IQCM: variants seen among roughly 807,000 people sequenced by gnomAD.
IQCM encodes IQ motif containing M, also known as IQ domain-containing protein M.
IQCM carries 45 observed loss-of-function variants against 57.6 expected under a neutral mutation model. The ratio of observed to expected loss-of-function variants is 0.78; its 90% CI spans 0.62 to 1.00. The LOEUF (loss-of-function observed/expected upper bound fraction) is 1.00, where lower values mean the gene tolerates loss of function less well. Ranked by LOEUF, IQCM falls within the 50% of genes least tolerant of loss-of-function variation. The pLI is 0.00. For synonymous variants in IQCM, 148 were observed against 158.9 expected (o/e 0.93, Z 0.51); for missense variants, 468 against 511.6 (o/e 0.91, Z 0.82).
chr4:149,470,766 G>C (rs1385284802), intron 12 of IQCM, among the ~76,000 whole-genome samples: 1 of 152,076 alleles, frequency 6.6e-6, no homozygotes, highest in Admixed American at 6.6e-5. Flanking sequence ...ATAACAAACT[G>C]TCTCTCAGAC....
intron 9 of IQCM, among the ~76,000 whole-genome samples, chr4:149,582,827 T>A (rs905368626): frequency 3.3e-5 from 5 of 151,538 alleles, no homozygotes; most frequent in Non-Finnish European, 7.4e-5. Flanking sequence ...CATTCATAGG[T>A]AACAAAATTT....
chr4:149,377,307 A>G (rs1394801640), intron 13 of IQCM, among the ~76,000 whole-genome samples: 1 of 152,198 alleles, frequency 6.6e-6, no homozygotes, highest in Non-Finnish European at 1.5e-5. Context: ...AGCAATTACT[A>G]GCTTACGATA....
At chr4:149,688,023 C>T (rs143972090) in intron 5 of IQCM, among the ~76,000 whole-genome samples, 2,608 of 152,044 alleles carry the variant, frequency 0.017, 36 homozygotes, top group Admixed American at 0.042. Flanking sequence ...GAAAGCATTC[C>T]TTCTGAGAAC....
In IQCM at chr4:149,351,882, C is replaced by A; in HGVS notation, c.*69G>T. 1 of 397,710 alleles carries A rather than the reference C, an allele frequency of 2.5e-6. No individual in the cohort carries two copies. Among genetic ancestry groups the A allele is most frequent in the Admixed American group, 4.4e-5 (1 of 22,708 alleles). The allele number at this position is 397,710 out of a possible 1,614,324, so 24.6% of individuals were successfully genotyped here. A position where few individuals can be genotyped will look rare whatever the true frequency, so the allele number is the denominator to read the frequency against. On this transcript the variant is annotated 3_prime_UTR_variant, in exon 14 of 14. Transcript: ENST00000636793. ...TTCCTACTCATACAGAATTGATCCA[C>A]CTCCAGTGTTAACTTGTCTCTTTGG...
At chr4:149,564,983 T>G (rs1009815899) in intron 9 of IQCM, among the ~76,000 whole-genome samples, 2 of 152,212 alleles carry the variant, frequency 1.3e-5, no homozygotes, top group Non-Finnish European at 2.9e-5. Context: ...ATACCTGTTA[T>G]GTTTTACATA....
intron 12 of IQCM, among the ~76,000 whole-genome samples, chr4:149,516,997 C>T (rs144572612): frequency 2.2e-4 from 33 of 151,460 alleles, no homozygotes; most frequent in East Asian, 1.9e-3. Flanking sequence ...CATTAGGGCA[C>T]CTCTTAGTAT....
At chr4:149,639,381 G>A (rs915644605) in intron 7 of IQCM, among the ~76,000 whole-genome samples, 13 of 149,850 alleles carry the variant, frequency 8.7e-5, no homozygotes, top group Non-Finnish European at 1.6e-4. Flanking sequence ...AGCTATGATC[G>A]TGCCGCTGCA....
intron 13 of IQCM, among the ~76,000 whole-genome samples, chr4:149,356,458 C>T (rs1728988881): frequency 6.6e-6 from 1 of 151,788 alleles, no homozygotes. Flanking sequence ...CAGCTTTCTA[C>T]ATATGGCTAG....
chr4:149,450,495 G>A (rs1279915104), intron 12 of IQCM, among the ~76,000 whole-genome samples: 1 of 151,552 alleles, frequency 6.6e-6, no homozygotes, highest in East Asian at 1.9e-4. Flanking sequence ...AATACACAAT[G>A]GGCTCAAACT....
intron 12 of IQCM, among the ~76,000 whole-genome samples, chr4:149,497,767 GA>G (rs917030756): frequency 1.4e-5 from 2 of 146,014 alleles, no homozygotes; most frequent in Non-Finnish European, 3.0e-5. Context: ...AAAAAAGGAA[GA>G]AAAAAAAGCA....
chr4:149,756,445 A>ACAAAGACTTTC (rs1332230601), intron 2 of IQCM, among the ~76,000 whole-genome samples: 1 of 152,178 alleles, frequency 6.6e-6, no homozygotes, highest in Admixed American at 6.5e-5. Context: ...TGAGAACAAA[A>ACAAAGACTTTC]CAAAGACTTT....
At chr4:149,482,680 C>A (rs1741037406) in intron 12 of IQCM, among the ~76,000 whole-genome samples, 1 of 151,014 alleles carries the variant, frequency 6.6e-6, no homozygotes, top group South Asian at 2.1e-4. Context: ...TTCAATTTTC[C>A]AGTATTTTTT....
intron 7 of IQCM, among the ~76,000 whole-genome samples, chr4:149,627,894 T>C (rs536040912): frequency 3.3e-5 from 5 of 152,064 alleles, no homozygotes; most frequent in Admixed American, 1.3e-4. Context: ...AGAGAAGATA[T>C]GATGAGGCAA....
intron 2 of IQCM, among the ~76,000 whole-genome samples, chr4:149,757,716 A>G (rs1769113102): frequency 6.7e-6 from 1 of 149,658 alleles, no homozygotes; most frequent in East Asian, 2.0e-4. Flanking sequence ...TAGATCTAAC[A>G]TTAGATATAT....
At chr4:149,709,795 A>C (rs917992218) in intron 5 of IQCM, among the ~76,000 whole-genome samples, 1 of 152,102 alleles carries the variant, frequency 6.6e-6, no homozygotes, top group Admixed American at 6.6e-5. Flanking sequence ...ACAAATGCAA[A>C]GTCTTGTTAC....
At chr4:149,707,093 G>A (rs1391322916) in intron 5 of IQCM, among the ~76,000 whole-genome samples, 1 of 151,968 alleles carries the variant, frequency 6.6e-6, no homozygotes, top group Non-Finnish European at 1.5e-5. Flanking sequence ...CTGAAATGTA[G>A]AGAGCAATAA....
At chr4:149,566,597 G>A (rs937407523) in intron 9 of IQCM, among the ~76,000 whole-genome samples, 1 of 152,016 alleles carries the variant, frequency 6.6e-6, no homozygotes, top group East Asian at 1.9e-4. Context: ...AAGTTATTTG[G>A]GGTAAAAGCT....
chr4:149,521,457 A>G (rs1331783248), intron 12 of IQCM, among the ~76,000 whole-genome samples: 1 of 152,210 alleles, frequency 6.6e-6, no homozygotes, highest in Non-Finnish European at 1.5e-5. Context: ...CAGAGACAGA[A>G]AAATCAATCT....
intron 8 of IQCM, among the ~76,000 whole-genome samples, chr4:149,620,162 CAA>C (rs142102905): frequency 7.0e-6 from 1 of 143,246 alleles, no homozygotes; most frequent in Non-Finnish European, 1.5e-5. Context: ...GTCTCAAAAA[CAA>C]AAAAAAAAGA....
Sources: allele counts gnomAD v4.1 joint callset (sites outside exome capture counted in the v4.1 genomes callset), GRCh38; gene constraint gnomAD v4.1.1; transcripts MANE v1.5; gene names NCBI Gene and HGNC (gene_info 2026-07-23, HGNC 2026-07-21).